PCDHGA3: variants seen among roughly 807,000 people sequenced by gnomAD.
The protein encoded by PCDHGA3 is protocadherin gamma subfamily A, 3.
PCDHGA3 carries 40 observed loss-of-function variants against 58.5 expected under a neutral mutation model. The ratio of observed to expected loss-of-function variants is 0.68; its 90% CI spans 0.53 to 0.89. The LOEUF is 0.89. Ranked by LOEUF, PCDHGA3 falls within the 40% of genes least tolerant of loss-of-function variation. PCDHGA3 has a pLI of 0.00. For synonymous variants in PCDHGA3, 530 were observed against 525.7 expected, an observed-to-expected ratio of 1.01 and a Z score of -0.11; for missense variants, 1,223 against 1,195.9, an observed-to-expected ratio of 1.02 and a Z score of -0.33.
intron 1 of PCDHGA3, among the ~76,000 whole-genome samples, chr5:141,448,768 G>T (rs544426582): frequency 2.6e-5 from 4 of 151,750 alleles, no homozygotes; most frequent in Non-Finnish European, 4.4e-5. Context: ...GTGAAACCCC[G>T]TCTGTACTAA....
Position 141,344,632 on chromosome 5 carries a change from T to C in PCDHGA3, c.599T>C (p.Leu200Pro), listed in dbSNP as rs1757449485. 1.2e-6 allele frequency: 2 copies of C among 1,613,976 alleles called. No individual in the cohort carries two copies. Among genetic ancestry groups the C allele is most frequent in the East Asian group, 2.2e-5 (1 of 44,874 alleles). The change falls in exon 1 of 4, where the codon CTG (leucine) becomes CCG (proline). Residue 200 changes from leucine (L) to proline (P), a missense_variant. Transcript: ENST00000253812. ...CCAGAGCTGGTGCTGGAGCGGGCCC[T>C]GGACCGTGAGAAAAAAGAAATTCAC... ...KYPELVLERALDREKKEIHQL... is the reference protein window; with the variant it reads ...KYPELVLERAPDREKKEIHQL...
intron 1 of PCDHGA3, chr5:141,385,190 G>C (rs899564761): frequency 3.7e-6 from 6 of 1,614,166 alleles, no homozygotes; most frequent in Non-Finnish European, 5.1e-6. Context: ...GCGGACTCTC[G>C]GAAGAGTCAC....
intron 1 of PCDHGA3, among the ~76,000 whole-genome samples, chr5:141,381,379 A>G (rs1777152339): frequency 6.6e-6 from 1 of 152,224 alleles, no homozygotes; most frequent in Non-Finnish European, 1.5e-5. Flanking sequence ...GGATCCATCA[A>G]TAATTTAGTT....
chr5:141,383,125 G>A (rs757654723), intron 1 of PCDHGA3: 6 of 1,614,062 alleles, frequency 3.7e-6, no homozygotes, highest in South Asian at 3.3e-5. Context: ...GCAGCTTTTC[G>A]CCCTGAACCA....
chr5:141,428,200 G>A (rs1000165985), intron 1 of PCDHGA3: 3 of 1,363,858 alleles, frequency 2.2e-6, no homozygotes, highest in East Asian at 2.3e-5. Flanking sequence ...TCTCTGCGCC[G>A]CTACGCTTCA....
At chr5:141,368,029 A>G (rs751685709) in intron 1 of PCDHGA3, among the ~76,000 whole-genome samples, 3 of 152,216 alleles carry the variant, frequency 2.0e-5, no homozygotes, top group Non-Finnish European at 4.4e-5. Context: ...CTCAAATTCC[A>G]GGAGGATGTG....
chr5:141,422,795 A>G lies in PCDHGA3; in HGVS notation c.2425-72012A>G, dbSNP rs543001807. ...CTCTATGCCCTACAATCCTTCGACTATGAGCAGTTTCGAGACTTAGAACTG... is the reference window on the plus strand; with the variant it reads ...CTCTATGCCCTACAATCCTTCGACTGTGAGCAGTTTCGAGACTTAGAACTG... On this transcript the variant is annotated intron_variant, in intron 1 of 3. Transcript: ENST00000253812. 14 of 1,614,198 alleles carry G rather than the reference A, an allele frequency of 8.7e-6. No homozygotes were observed. In the East Asian group the frequency reaches 1.8e-4, roughly 21 times the overall value.
intron 1 of PCDHGA3, chr5:141,422,968 C>A (rs766010601): frequency 6.2e-7 from 1 of 1,614,240 alleles, no homozygotes; most frequent in Non-Finnish European, 8.5e-7. Context: ...GCTGGCGCCC[C>A]GCTCTGCGGA....
At chr5:141,465,338 G>C (rs908157154) in intron 1 of PCDHGA3, among the ~76,000 whole-genome samples, 6 of 151,962 alleles carry the variant, frequency 3.9e-5, no homozygotes, top group Admixed American at 2.6e-4. Context: ...TTTTATATTG[G>C]TTACTGAAGA....
chr5:141,364,250 A>G, intron 1 of PCDHGA3: 2 of 1,482,280 alleles, frequency 1.3e-6, no homozygotes, highest in Non-Finnish European at 1.8e-6. Flanking sequence ...TCGTCAGGGA[A>G]TATGTACCCA....
chr5:141,418,063 G>T (rs2015825), intron 1 of PCDHGA3: 734,858 of 1,613,808 alleles, frequency 0.46, 174,471 homozygotes, highest in African/African-American at 0.8. Flanking sequence ...AGCTGCGAGT[G>T]AGCGCGGAGA....
At chr5:141,357,689 A>C in intron 1 of PCDHGA3, 1 of 1,561,198 alleles carries the variant, frequency 6.4e-7, no homozygotes, top group Non-Finnish European at 8.7e-7. Context: ...AATGTCTCTC[A>C]TTTTATATGT....
chr5:141,423,693 G>T lies in PCDHGA3; in HGVS notation c.2425-71114G>T, dbSNP rs114008539. On this transcript the variant is annotated intron_variant, in intron 1 of 3. Transcript: ENST00000253812. ...TTATTTCTCTGCCTCCTAATTGTTG[G>T]TGTCTTGGCACAAGTCTTTTAAGGA... 910 of 1,396,244 alleles carry T rather than the reference G, an allele frequency of 6.5e-4. 7 individuals carry two copies. The African/African-American group carries it at 0.012, about 18-fold the overall frequency. 86.5% of individuals were successfully genotyped at this position (1,396,244 alleles called of 1,614,324 possible).
At chr5:141,393,709 G>A (rs941272065) in intron 1 of PCDHGA3, 14 of 1,613,826 alleles carry the variant, frequency 8.7e-6, no homozygotes, top group Non-Finnish European at 9.3e-6. Context: ...GAAAATACTG[G>A]GGAAATATCA....
rs200016406 is a variant in PCDHGA3 at position 141,383,092 on chromosome 5, C to T, written c.2424+36635C>T. The T allele has an allele frequency of 3.1e-4, 507 of 1,613,932 alleles. 2 individuals are homozygous for T. Among genetic ancestry groups the T allele is most frequent in the Middle Eastern group, 1.7e-3 (10 of 6,060 alleles). The stretch of plus-strand genomic sequence containing the variant: ...CCGGGAGCTGGCGGAGCGCGGAGTC[C>T]GCATCATCTCCAGAGGTAGGACGCA... On this transcript the variant is annotated intron_variant, in intron 1 of 3. Coordinates refer to ENST00000253812, the MANE Select transcript of PCDHGA3 (RefSeq NM_018916.4).
chr5:141,374,160 C>T, intron 1 of PCDHGA3: 1 of 1,612,164 alleles, frequency 6.2e-7, no homozygotes, highest in Non-Finnish European at 8.5e-7. Context: ...CTGTGGGGGG[C>T]CGCGGCAGCG....
At chr5:141,503,479 G>A (rs1203644194) in intron 2 of PCDHGA3, among the ~76,000 whole-genome samples, 5 of 151,616 alleles carry the variant, frequency 3.3e-5, no homozygotes, top group African/African-American at 9.7e-5. Context: ...TGCACTTGTC[G>A]TCCCAGCTGC....
chr5:141,488,681 C>G, intron 1 of PCDHGA3, among the ~76,000 whole-genome samples: 1 of 152,204 alleles, frequency 6.6e-6, no homozygotes, highest in East Asian at 1.9e-4. Flanking sequence ...GGCTTTGCCT[C>G]TCCCAGAAGG....
intron 1 of PCDHGA3, among the ~76,000 whole-genome samples, chr5:141,488,655 G>C (rs1438020338): frequency 6.6e-6 from 1 of 152,164 alleles, no homozygotes. Flanking sequence ...GATGGGGGAG[G>C]GTGGGGGAAT....
Sources: gnomAD v4.1 joint callset for allele counts (sites outside exome capture counted in the v4.1 genomes callset) on GRCh38, gnomAD v4.1.1 for gene constraint, MANE v1.5 for transcripts, NCBI Gene and HGNC (gene_info 2026-07-23, HGNC 2026-07-21) for gene names.